The following GREM2 variants were observed in gnomAD, a reference collection of about 807,000 sequenced individuals.
GREM2 encodes gremlin 2, DAN family BMP antagonist.
Under a neutral mutation model 14.2 loss-of-function variants are expected in GREM2, and 11 were observed. That is an observed-to-expected ratio of 0.78 (90% CI 0.49 to 1.28). The LOEUF (loss-of-function observed/expected upper bound fraction) is 1.28, where lower values mean the gene tolerates loss of function less well. Ranked by LOEUF, GREM2 falls within the 50% of genes most tolerant of loss-of-function variation. The probability of loss-of-function intolerance (pLI) is 0.00; values close to 1 mark genes in which losing one functional copy is unlikely to be tolerated. For missense variants in GREM2, 210 were observed against 218.5 expected, an observed-to-expected ratio of 0.96 and a Z score of 0.24; for synonymous variants, 98 against 97.6, an observed-to-expected ratio of 1.00 and a Z score of -0.02.
At chr1:240,581,890 A>G (rs1193542699) in intron 1 of GREM2, among the ~76,000 whole-genome samples, 1 of 152,264 alleles carries the variant, frequency 6.6e-6, no homozygotes, top group Non-Finnish European at 1.5e-5. Context: ...AAGTCATACA[A>G]GTAACAGTTT....
intron 1 of GREM2, among the ~76,000 whole-genome samples, chr1:240,598,488 A>G (rs1679862299): frequency 6.6e-6 from 1 of 152,184 alleles, no homozygotes; most frequent in Non-Finnish European, 1.5e-5. Flanking sequence ...ATATTTTTAC[A>G]ACTGAGGATT....
intron 1 of GREM2, among the ~76,000 whole-genome samples, chr1:240,501,876 C>T (rs1274801168): frequency 6.6e-6 from 1 of 152,132 alleles, no homozygotes; most frequent in African/African-American, 2.4e-5. Flanking sequence ...CAAAAAGGAC[C>T]ATGAGTTTTA....
intron 1 of GREM2, among the ~76,000 whole-genome samples, chr1:240,596,350 C>G (rs1459046203): frequency 6.6e-6 from 1 of 152,158 alleles, no homozygotes; most frequent in East Asian, 1.9e-4. Flanking sequence ...ACTTTTCTGT[C>G]CTAATGACTA....
chr1:240,562,912 CTG>C lies in GREM2; in HGVS notation c.-2+48970_-2+48971del, dbSNP rs558651693. Among the ~76,000 whole-genome samples, 495 of 131,238 alleles carry C rather than the reference CTG, an allele frequency of 3.8e-3. 1 individual carries two copies. Among genetic ancestry groups the C allele is most frequent in the African/African-American group, 0.013 (455 of 33,798 alleles). The allele number at this position is 131,238 out of a possible 152,430, so 86.1% of individuals were successfully genotyped here. A position where few individuals can be genotyped will look rare whatever the true frequency, so the allele number is the denominator to read the frequency against. The stretch of plus-strand genomic sequence containing the variant: ...TGAGTGTGTATGTGTGTATGTATGT[CTG>C]TGAGTGTATGTGTATGTGTGTGAGT... On this transcript the variant is annotated intron_variant, in intron 1 of 1. Transcript: ENST00000318160.
rs1037969201 is a variant in GREM2, at chr1:240,542,607, C to A, written c.-1-49131G>T. 4.6e-5 allele frequency among the ~76,000 whole-genome samples: 7 copies of A among 151,704 alleles called. No homozygotes were observed. The highest frequency in any genetic ancestry group is 8.8e-5 in the Non-Finnish European group (6 of 67,950). On this transcript the variant is annotated intron_variant, in intron 1 of 1. Coordinates refer to ENST00000318160, the MANE Select transcript of GREM2 (RefSeq NM_022469.4). The surrounding 1 kb of genome is among the most constrained non-coding windows in gnomAD (Gnocchi z 4.1). ...TCCAGCCTAGTGACAGAGCGAGACT[C>A]CATCTCAAAAATAAATAAATAAATA...
rs1463452335 is a variant in GREM2, at chr1:240,524,565, G to T, written c.-1-31089C>A. Among the ~76,000 whole-genome samples, 3 of 152,186 alleles carry T rather than the reference G, an allele frequency of 2.0e-5. No homozygotes were observed. The East Asian group carries it at 5.8e-4, about 29-fold the overall frequency. On this transcript the variant is annotated intron_variant, in intron 1 of 1. Transcript: ENST00000318160. ...AGTAATCTGTATAGTATAAGGTTGGGTTAATTGCTCACAGTACACCAGTAC... is the reference window on the plus strand; with the variant it reads ...AGTAATCTGTATAGTATAAGGTTGGTTTAATTGCTCACAGTACACCAGTAC...
At chr1:240,521,460 A>T (rs569283486) in intron 1 of GREM2, among the ~76,000 whole-genome samples, 2 of 151,616 alleles carry the variant, frequency 1.3e-5, no homozygotes, top group Admixed American at 6.6e-5. Context: ...AGTCCCAGCT[A>T]CTCGAGAGGC....
chr1:240,523,837 G>A (rs1017901758), intron 1 of GREM2, among the ~76,000 whole-genome samples: 1 of 152,136 alleles, frequency 6.6e-6, no homozygotes, highest in Non-Finnish European at 1.5e-5. Context: ...TTTCCAAACA[G>A]TCTTCCTTAG....
chr1:240,587,257 G>A (rs1401308656), intron 1 of GREM2, among the ~76,000 whole-genome samples: 1 of 151,906 alleles, frequency 6.6e-6, no homozygotes, highest in Non-Finnish European at 1.5e-5. Flanking sequence ...TATTTATATA[G>A]ACATGCTTTT....
rs1320024949 is a variant in GREM2 at position 240,492,896 on chromosome 1, C to T, written c.*73G>A. 1.5e-6 allele frequency: 2 copies of T among 1,311,826 alleles called. No homozygotes were observed. The highest frequency in any genetic ancestry group is 1.9e-6 in the Non-Finnish European group (2 of 1,026,464). The allele number at this position is 1,311,826 out of a possible 1,614,324, so 81.3% of individuals were successfully genotyped here. On this transcript the variant is annotated 3_prime_UTR_variant, in exon 2 of 2. Transcript: ENST00000318160. ...GCAGCGTGACAGTGGGCTCGGAGGG[C>T]AGGGACAGAGGCGGCGGCGGCGCCA...
chr1:240,595,290 C>T (rs1468989682), intron 1 of GREM2, among the ~76,000 whole-genome samples: 2 of 152,128 alleles, frequency 1.3e-5, no homozygotes, highest in African/African-American at 2.4e-5. Flanking sequence ...CAAGATTGCG[C>T]CACTGCACTC....
chr1:240,523,372 G>GA (rs1383007620), intron 1 of GREM2, among the ~76,000 whole-genome samples: 1 of 152,164 alleles, frequency 6.6e-6, no homozygotes, highest in Non-Finnish European at 1.5e-5. Context: ...GTACATTGTT[G>GA]AATGTTTAGT....
At chr1:240,518,537 A>G (rs1179006685) in intron 1 of GREM2, among the ~76,000 whole-genome samples, 1 of 152,204 alleles carries the variant, frequency 6.6e-6, no homozygotes, top group Non-Finnish European at 1.5e-5. Flanking sequence ...TAAACATTTT[A>G]TCTGCTAATT....
intron 1 of GREM2, among the ~76,000 whole-genome samples, chr1:240,591,710 G>A (rs546441375): frequency 1.3e-5 from 2 of 152,280 alleles, no homozygotes; most frequent in Admixed American, 6.5e-5. Flanking sequence ...CTGGTCATAA[G>A]TCACGACTTG....
chr1:240,505,053 T>C (rs1051667595), intron 1 of GREM2, among the ~76,000 whole-genome samples: 3 of 152,130 alleles, frequency 2.0e-5, no homozygotes, highest in African/African-American at 7.2e-5. Flanking sequence ...ACCATTCCCC[T>C]AGTGCTGTGC....
At chr1:240,527,716 A>G (rs537640184) in intron 1 of GREM2, among the ~76,000 whole-genome samples, 1 of 152,242 alleles carries the variant, frequency 6.6e-6, no homozygotes, top group African/African-American at 2.4e-5. Context: ...TCTCTACCAC[A>G]GTACACAAAT....
In GREM2 at chr1:240,533,862, A is replaced by G. The variant is rs536510989; in HGVS notation, c.-1-40386T>C. 2.0e-5 allele frequency among the ~76,000 whole-genome samples: 3 copies of G among 152,312 alleles called. No individual in the cohort carries two copies. The East Asian group carries it at 5.8e-4, about 29-fold the overall frequency. ...TCTACAGAAAGAGGGGACGATTGTG[A>G]CGAGAGCCTCAATTCCATCAGGAGC... On this transcript the variant is annotated intron_variant, in intron 1 of 1. Coordinates refer to ENST00000318160, the MANE Select transcript of GREM2 (RefSeq NM_022469.4).
At chr1:240,530,490 A>G (rs1041890400) in intron 1 of GREM2, 2 of 152,198 alleles carry the variant, frequency 1.3e-5, no homozygotes, top group African/African-American at 4.8e-5. Flanking sequence ...TCTAAAATAT[A>G]TGACTCTGTT....
chr1:240,536,717 T>G (rs563225577), intron 1 of GREM2, among the ~76,000 whole-genome samples: 151 of 124,162 alleles, frequency 1.2e-3, no homozygotes, highest in African/African-American at 1.6e-3. Context: ...GGAAGCCATC[T>G]GTAGAGTTTA....
Sources: gnomAD v4.1 joint callset for allele counts (sites outside exome capture counted in the v4.1 genomes callset) on GRCh38, gnomAD v4.1.1 for gene constraint, Gnocchi (gnomAD v3.1) non-coding constraint, MANE v1.5 for transcripts, NCBI Gene and HGNC (gene_info 2026-07-23, HGNC 2026-07-21) for gene names.